Variants in SHROOM4 observed in about 807,000 individuals in gnomAD.
SHROOM4 encodes the protein protein Shroom4.
Under a neutral mutation model 80.3 loss-of-function variants are expected in SHROOM4, and 17 were observed. The observed-to-expected ratio is 0.21, with a 90% CI of 0.14 to 0.32. The LOEUF is 0.32. Ranked by LOEUF, SHROOM4 falls within the 10% of genes least tolerant of loss-of-function variation. The pLI, the probability that SHROOM4 is intolerant of heterozygous loss-of-function variation, is 1.00. For synonymous variants in SHROOM4, 400 were observed against 437.5 expected (o/e 0.91, Z 1.07); for missense variants, 993 against 1,140.3 (o/e 0.87, Z 1.86).
At chrX:50,811,696 C>G (rs1557273457) in intron 1 of SHROOM4, among the ~76,000 whole-genome samples, 1 of 111,741 alleles carries the variant, frequency 8.9e-6, no homozygotes, top group African/African-American at 3.3e-5. Context: ...TAAAAAAATA[C>G]TATGGTCCCT....
chrX:50,758,071 C>T (rs1935075749), intron 1 of SHROOM4, among the ~76,000 whole-genome samples: 1 of 110,975 alleles, frequency 9.0e-6, no homozygotes, highest in Non-Finnish European at 1.9e-5. Context: ...AAAATGTTTT[C>T]TTAATTTCAT....
intron 1 of SHROOM4, among the ~76,000 whole-genome samples, chrX:50,717,830 G>C: frequency 8.9e-6 from 1 of 111,994 alleles, no homozygotes; most frequent in East Asian, 2.8e-4. Context: ...TTATGTCTCA[G>C]TTCCATTAAA....
chrX:50,688,515 C>G (rs897726734), intron 2 of SHROOM4, among the ~76,000 whole-genome samples: 7 of 111,005 alleles, frequency 6.3e-5, no homozygotes, highest in Admixed American at 3.8e-4. Context: ...TATGTGGAAG[C>G]TAAAAATATT....
At chrX:50,598,114 C>G in intron 8 of SHROOM4, 152 bp downstream of exon 8, 1 of 787,284 alleles carries the variant, frequency 1.3e-6, no homozygotes, top group South Asian at 2.4e-5. Context: ...ACTGGGATTA[C>G]AGACATGAGC....
intron 6 of SHROOM4, among the ~76,000 whole-genome samples, chrX:50,607,101 T>C (rs959857826): frequency 1.8e-5 from 2 of 111,365 alleles, no homozygotes; most frequent in Non-Finnish European, 3.8e-5. Context: ...AGGAAAAGTA[T>C]AGTACTTTAA....
rs1931216688 is a variant in SHROOM4, at chrX:50,634,185, G to A, written c.1888C>T (p.Pro630Ser). Residue 630 changes from proline (P) to serine (S), a missense_variant, in exon 4 of 9, where the codon CCT becomes TCT. Physicochemically the swap from Pro to Ser is moderately conservative, Grantham distance 74 (BLOSUM62 -1). Transcript: ENST00000376020. ...GATGTGTTAGAGGCAGTGAGTGGAGGACTTTCTGGGGGCTCCTGGGTCTCT... is the reference window on the plus strand; with the variant it reads ...GATGTGTTAGAGGCAGTGAGTGGAGAACTTTCTGGGGGCTCCTGGGTCTCT... Reference protein sequence around the residue: ...VEETQEPPESPPLTASNTSLL... With the variant: ...VEETQEPPESSPLTASNTSLL... 3.3e-6 allele frequency: 4 copies of A among 1,211,607 alleles called. No homozygotes were observed. In the African/African-American group the frequency reaches 6.9e-5, roughly 21 times the overall value.
intron 1 of SHROOM4, among the ~76,000 whole-genome samples, chrX:50,735,302 C>T (rs1345480990): frequency 8.9e-6 from 1 of 111,830 alleles, no homozygotes; most frequent in Non-Finnish European, 1.9e-5. Flanking sequence ...AACTGGATCC[C>T]TATGTCACAC....
chrX:50,713,824 G>A (rs1463776109), intron 1 of SHROOM4, among the ~76,000 whole-genome samples: 1 of 111,303 alleles, frequency 9.0e-6, no homozygotes, highest in African/African-American at 3.3e-5. Flanking sequence ...ATTTAGCATG[G>A]TCCCATTTGT....
At chrX:50,652,368 A>C (rs781793339) in intron 2 of SHROOM4, among the ~76,000 whole-genome samples, 6 of 111,856 alleles carry the variant, frequency 5.4e-5, no homozygotes, top group Non-Finnish European at 9.4e-5. Flanking sequence ...TGGCCACATA[A>C]ATGTCTTCTT....
At chrX:50,652,910 T>C (rs1166251648) in intron 2 of SHROOM4, among the ~76,000 whole-genome samples, 7 of 111,654 alleles carry the variant, frequency 6.3e-5, no homozygotes, top group Non-Finnish European at 1.1e-4. Flanking sequence ...GCCTCTGTTC[T>C]ATTCCATTGG....
intron 5 of SHROOM4, among the ~76,000 whole-genome samples, chrX:50,614,603 G>A (rs1930141470): frequency 8.9e-6 from 1 of 112,485 alleles, no homozygotes; most frequent in African/African-American, 3.2e-5. Context: ...GGAAACAGGT[G>A]ATCTTACACA....
At chrX:50,614,375 T>C (rs888906686) in intron 5 of SHROOM4, among the ~76,000 whole-genome samples, 3 of 111,775 alleles carry the variant, frequency 2.7e-5, no homozygotes, top group African/African-American at 9.7e-5. Flanking sequence ...ATTTGTAACA[T>C]ATACAACTAA....
chrX:50,746,952 T>C (rs1271547691), intron 1 of SHROOM4, among the ~76,000 whole-genome samples: 1 of 112,318 alleles, frequency 8.9e-6, no homozygotes, highest in Non-Finnish European at 1.9e-5. Context: ...TTGCCTACCA[T>C]ATATCAAGCA....
At position 50,709,922 on chromosome X, in the gene SHROOM4, T is replaced by C. The variant is rs186614505; in HGVS notation, c.118-13985A>G. On this transcript the variant is annotated intron_variant, in intron 1 of 8. Coordinates refer to ENST00000376020, the MANE Select transcript of SHROOM4 (RefSeq NM_020717.5). ...CTCTGTGGGTGAGGCCAGTAATCTG[T>C]GTTTTAATCCCTCCAGGTGATGCTG... Among the ~76,000 whole-genome samples the C allele has an allele frequency of 8.0e-5, 9 of 112,067 alleles. No homozygotes were observed. The East Asian group carries it at 2.5e-3, about 32-fold the overall frequency.
At chrX:50,786,124 C>G (rs1395403632) in intron 1 of SHROOM4, among the ~76,000 whole-genome samples, 1 of 111,722 alleles carries the variant, frequency 9.0e-6, no homozygotes, top group Non-Finnish European at 1.9e-5. Flanking sequence ...ATAACTTCCC[C>G]CTGTACAGAG....
intron 1 of SHROOM4, among the ~76,000 whole-genome samples, chrX:50,721,088 TGCAGGGACACCGA>T (rs1934098922): frequency 9.0e-6 from 1 of 111,290 alleles, no homozygotes; most frequent in Admixed American, 9.5e-5. Context: ...ACTGACTGCA[TGCAGGGACACCGA>T]GCCAGGAAAG....
chrX:50,714,670 C>G (rs1464312811), intron 1 of SHROOM4, among the ~76,000 whole-genome samples: 1 of 111,944 alleles, frequency 8.9e-6, no homozygotes, highest in African/African-American at 3.2e-5. Context: ...TAAATTATAA[C>G]TTTAATTTAC....
chrX:50,795,026 T>G (rs781972054), intron 1 of SHROOM4, among the ~76,000 whole-genome samples: 1 of 25,999 alleles, frequency 3.8e-5, no homozygotes, highest in Non-Finnish European at 9.5e-5. Flanking sequence ...TCTTTATATA[T>G]ATCATATATA....
intron 5 of SHROOM4, among the ~76,000 whole-genome samples, chrX:50,627,353 G>C (rs1557253252): frequency 9.0e-6 from 1 of 111,446 alleles, no homozygotes; most frequent in East Asian, 2.8e-4. Context: ...CCAAGGTATG[G>C]TGTCCTCTCT....
Sources: allele counts gnomAD v4.1 joint callset (sites outside exome capture counted in the v4.1 genomes callset), GRCh38; gene constraint gnomAD v4.1.1; transcripts MANE v1.5; gene names NCBI Gene and HGNC (gene_info 2026-07-23, HGNC 2026-07-21).